The following NBAS variants were observed in gnomAD, a reference collection of about 807,000 sequenced individuals.
The protein encoded by NBAS is NBAS subunit of NRZ tethering complex, also known as NAG/BC035112 fusion.
Under a neutral mutation model 302.5 loss-of-function variants are expected in NBAS, and 219 were observed. The ratio of observed to expected loss-of-function variants is 0.72; its 90% CI spans 0.65 to 0.81. NBAS has a LOEUF of 0.81. Among genes scored for constraint, NBAS ranks in the 30% least tolerant of loss-of-function variants. NBAS has a pLI of 0.00. For synonymous variants in NBAS, 1,118 were observed against 1,021.6 expected, an observed-to-expected ratio of 1.09 and a Z score of -1.80; for missense variants, 2,932 against 2,841.6, an observed-to-expected ratio of 1.03 and a Z score of -0.72.
chr2:15,319,321 C>T (rs984367383), intron 38 of NBAS, among the ~76,000 whole-genome samples: 2 of 152,086 alleles, frequency 1.3e-5, no homozygotes, highest in Admixed American at 6.6e-5. Context: ...CGACACCAAA[C>T]ATCACAATTA....
At chr2:15,476,917 A>G (rs1209986618) in intron 13 of NBAS, among the ~76,000 whole-genome samples, 1 of 152,236 alleles carries the variant, frequency 6.6e-6, no homozygotes, top group Non-Finnish European at 1.5e-5. Flanking sequence ...AGAGATTTTA[A>G]ATATGGAGTT....
the NBAS span, among the ~76,000 whole-genome samples, chr2:14,906,665 T>C: frequency 4.6e-5 from 7 of 152,118 alleles, no homozygotes; most frequent in Admixed American, 4.6e-4. Context: ...CTGCCCAATG[T>C]CCCACCAGAA....
chr2:14,882,658 T>G, the NBAS span, among the ~76,000 whole-genome samples: 1 of 152,222 alleles, frequency 6.6e-6, no homozygotes, highest in Non-Finnish European at 1.5e-5. Context: ...TTTTAATCTC[T>G]CTTCCCACCA....
the NBAS span, among the ~76,000 whole-genome samples, chr2:14,812,129 T>C: frequency 6.6e-6 from 1 of 152,242 alleles, no homozygotes; most frequent in African/African-American, 2.4e-5. Context: ...TACTAGCCAC[T>C]AGTGCATAGC....
chr2:15,459,854 T>C (rs1679429499), intron 21 of NBAS, among the ~76,000 whole-genome samples: 1 of 152,182 alleles, frequency 6.6e-6, no homozygotes, highest in South Asian at 2.1e-4. Context: ...GAGTTTATAA[T>C]ATATTCTCGC....
intron 26 of NBAS, among the ~76,000 whole-genome samples, chr2:15,399,146 C>T (rs1676021448): frequency 6.6e-6 from 1 of 152,062 alleles, no homozygotes; most frequent in African/African-American, 2.4e-5. Context: ...TGCTATTTGA[C>T]CTTAGTGGAA....
chr2:15,037,726 ATCTT>A, the NBAS span, among the ~76,000 whole-genome samples: 6 of 152,026 alleles, frequency 3.9e-5, no homozygotes, highest in Non-Finnish European at 5.9e-5. Flanking sequence ...CACCTTTACA[ATCTT>A]TCTTTCTACA....
At chr2:14,904,812 G>C in the NBAS span, among the ~76,000 whole-genome samples, 3 of 152,244 alleles carry the variant, frequency 2.0e-5, no homozygotes, top group African/African-American at 7.2e-5. Context: ...CACTTTGGGA[G>C]GCCGAGGCAG....
At chr2:15,338,662 CA>C (rs1380820010) in intron 35 of NBAS, among the ~76,000 whole-genome samples, 2 of 133,914 alleles carry the variant, frequency 1.5e-5, no homozygotes, top group Non-Finnish European at 3.2e-5. Flanking sequence ...CACATGAATA[CA>C]AACACACACA....
chr2:15,015,511 G>A, the NBAS span, among the ~76,000 whole-genome samples: 58 of 152,090 alleles, frequency 3.8e-4, no homozygotes, highest in African/African-American at 1.2e-3. Flanking sequence ...GTGATACATC[G>A]CATAACCAGA....
intron 40 of NBAS, among the ~76,000 whole-genome samples, chr2:15,306,914 T>C (rs1231792301): frequency 2.0e-5 from 3 of 152,218 alleles, no homozygotes; most frequent in Admixed American, 1.3e-4. Context: ...TTCCTCAGCA[T>C]CTCCTGCTCC....
intron 44 of NBAS, 92 bp downstream of exon 44, chr2:15,275,392 G>T: frequency 7.4e-7 from 1 of 1,356,036 alleles, no homozygotes; most frequent in Non-Finnish European, 1.0e-6. Context: ...TTATTTTCAA[G>T]AAAGGAAACA....
chr2:15,121,860 T>G, the NBAS span, among the ~76,000 whole-genome samples: 1 of 152,204 alleles, frequency 6.6e-6, no homozygotes, highest in African/African-American at 2.4e-5. Flanking sequence ...TTTTGAAGTT[T>G]TTTATGTATC....
chr2:15,555,745 G>C (rs547313720), intron 3 of NBAS, among the ~76,000 whole-genome samples: 1 of 152,062 alleles, frequency 6.6e-6, no homozygotes, highest in Non-Finnish European at 1.5e-5. Flanking sequence ...CAGGAGGAAG[G>C]GAGACAAAAA....
chr2:15,136,681 T>C, the NBAS span, among the ~76,000 whole-genome samples: 2 of 152,158 alleles, frequency 1.3e-5, no homozygotes, highest in Non-Finnish European at 2.9e-5. Flanking sequence ...CCTGATATGG[T>C]TTGGCTCTTT....
intron 6 of NBAS, among the ~76,000 whole-genome samples, chr2:15,542,999 A>G (rs1222469421): frequency 6.6e-6 from 1 of 152,218 alleles, no homozygotes; most frequent in Non-Finnish European, 1.5e-5. Context: ...GAAAATAAAG[A>G]CTTTATCACT....
chr2:14,851,696 A>T, the NBAS span, among the ~76,000 whole-genome samples: 5 of 93,720 alleles, frequency 5.3e-5, no homozygotes, highest in Admixed American at 5.0e-4. Context: ...ATACTGGCAA[A>T]CCGAATCCAG....
chr2:14,877,992 G>A, the NBAS span, among the ~76,000 whole-genome samples: 2 of 151,962 alleles, frequency 1.3e-5, no homozygotes, highest in African/African-American at 4.8e-5. Context: ...CCTCTCAAAA[G>A]CCTGCGATAC....
chr2:15,527,436 A>C (rs1662964168), intron 9 of NBAS, among the ~76,000 whole-genome samples: 1 of 152,204 alleles, frequency 6.6e-6, no homozygotes, highest in Non-Finnish European at 1.5e-5. Flanking sequence ...AAGACTGGGA[A>C]GTTCAAGACC....
Sources: gnomAD v4.1 joint callset for allele counts (sites outside exome capture counted in the v4.1 genomes callset) on GRCh38, gnomAD v4.1.1 for gene constraint, MANE v1.5 for transcripts, NCBI Gene and HGNC (gene_info 2026-07-23, HGNC 2026-07-21) for gene names.